The following TMEM225B variants were observed in gnomAD, a reference collection of about 807,000 sequenced individuals.
TMEM225B encodes the protein transmembrane protein 225-like.
TMEM225B carries 10 observed loss-of-function variants against 16.9 expected under a neutral mutation model. The ratio of observed to expected loss-of-function variants is 0.59; its 90% CI spans 0.36 to 1.00. The LOEUF (loss-of-function observed/expected upper bound fraction) is 1.00, where lower values mean the gene tolerates loss of function less well. Ranked by LOEUF, TMEM225B falls within the 50% of genes least tolerant of loss-of-function variation. The pLI is 0.01. For synonymous variants in TMEM225B, 92 were observed against 109.8 expected, an observed-to-expected ratio of 0.84 and a Z score of 1.01; for missense variants, 217 against 267.0, an observed-to-expected ratio of 0.81 and a Z score of 1.30.
chr7:99,599,107 C>A (rs1464609054), intron 1 of TMEM225B, among the ~76,000 whole-genome samples: 2 of 151,838 alleles, frequency 1.3e-5, no homozygotes, highest in Non-Finnish European at 2.9e-5. Context: ...CTACAGGCGC[C>A]CCCACCACGC....
chr7:99,610,974 C>T lies in TMEM225B; in HGVS notation c.*409C>T, dbSNP rs1049806255. The stretch of plus-strand genomic sequence containing the variant: ...ATGACAACTATTTGGGCTGGTGGCA[C>T]AGGGGTAAAAGAATTTACCAAGACG... On this transcript the variant is annotated 3_prime_UTR_variant, in exon 6 of 6. Transcript: ENST00000431679. Among the ~76,000 whole-genome samples the T allele has an allele frequency of 8.0e-4, 122 of 152,160 alleles. No homozygotes were observed. Among genetic ancestry groups the T allele is most frequent in the African/African-American group, 2.7e-3 (113 of 41,502 alleles).
intron 1 of TMEM225B, among the ~76,000 whole-genome samples, chr7:99,598,753 C>T (rs367819496): frequency 6.6e-6 from 1 of 152,134 alleles, no homozygotes; most frequent in Non-Finnish European, 1.5e-5. Context: ...ACCAGGATGC[C>T]CTTCAGGTCG....
intron 2 of TMEM225B, 96 bp from the exon 3 acceptor site, chr7:99,604,290 G>A: frequency 1.3e-6 from 1 of 767,572 alleles, no homozygotes; most frequent in South Asian, 1.6e-5. Flanking sequence ...GCCACACACA[G>A]CACTGACATT....
rs1342149970 is a variant in TMEM225B at position 99,607,821 on chromosome 7, AG to A, written c.493+14del. The stretch of plus-strand genomic sequence containing the variant: ...TGTTCATAGTGGCTGGTGAGTGTCC[AG>A]GGAACAGTGCCCTGCTTCTTGTCCT... On this transcript the variant is annotated intron_variant, in intron 5 of 5. Coordinates refer to ENST00000431679, the MANE Select transcript of TMEM225B (RefSeq NM_001195541.3). 2 of 1,535,362 alleles carry A rather than the reference AG, an allele frequency of 1.3e-6. No homozygotes were observed. Among genetic ancestry groups the A allele is most frequent in the Non-Finnish European group, 8.7e-7 (1 of 1,146,540 alleles).
chr7:99,602,354 C>A (rs897570247), intron 2 of TMEM225B, among the ~76,000 whole-genome samples: 3 of 152,202 alleles, frequency 2.0e-5, no homozygotes, highest in East Asian at 3.9e-4. Flanking sequence ...TGGCCTCCAG[C>A]CCCTTCTCCC....
intron 4 of TMEM225B, 133 bp downstream of exon 4, chr7:99,607,027 AC>A: frequency 1.0e-6 from 1 of 998,424 alleles, no homozygotes; most frequent in Non-Finnish European, 1.4e-6. Context: ...TCACTCTGTT[AC>A]CCAGGCTGGA....
rs913614666 is a variant in TMEM225B at position 99,610,525 on chromosome 7, T to C, written c.626T>C (p.Val209Ala). The change falls in exon 6 of 6, where the codon GTA becomes GCA. Residue 209 changes from valine to alanine, a missense_variant. Physicochemically the swap from Val to Ala is moderately conservative, Grantham distance 64. Transcript: ENST00000431679. ...AGTTTGGGAGGAGAACCGAGCTCAG[T>C]ACAAAAGGAGACACAGGTGACAGCA... ...LESLGGEPSS[V>A]QKETQVTAET... 1.3e-6 allele frequency: 2 copies of C among 1,536,036 alleles called. No homozygotes were observed. The highest frequency in any genetic ancestry group is 1.7e-6 in the Non-Finnish European group (2 of 1,146,886).
intron 5 of TMEM225B, among the ~76,000 whole-genome samples, chr7:99,608,488 A>G (rs1806007958): frequency 6.7e-6 from 1 of 149,156 alleles, no homozygotes; most frequent in Non-Finnish European, 1.5e-5. Flanking sequence ...ACTCTTTCAA[A>G]TTTTTATAGT....
chr7:99,606,779 C>G lies in TMEM225B; in HGVS notation c.240C>G (p.Leu80=), dbSNP rs143657846. ...TCATCCTCGGCCGGGTTTTCCTGCT[C>G]TCTGCAGTTTTCTTGGCTTTCGTCA... is the stretch of plus-strand genomic sequence containing the variant. ...IYIILGRVFL[L]SAVFLAFVTT... is the part of the protein sequence containing the mutation. Residue 80 remains leucine (L), a synonymous_variant, in exon 4 of 6, where the codon CTC becomes CTG. Coordinates refer to ENST00000431679, the MANE Select transcript of TMEM225B (RefSeq NM_001195541.3). 225 of 1,536,090 alleles carry G rather than the reference C, an allele frequency of 1.5e-4. No homozygotes were observed. The highest frequency in any genetic ancestry group is 1.8e-4 in the Non-Finnish European group (206 of 1,146,882).
At chr7:99,608,779 A>C (rs1470121648) in intron 5 of TMEM225B, among the ~76,000 whole-genome samples, 2 of 149,484 alleles carry the variant, frequency 1.3e-5, no homozygotes, top group Admixed American at 1.3e-4. Flanking sequence ...TTATATATGC[A>C]CATATATATG....
At chr7:99,609,908 T>A (rs1353069763) in intron 5 of TMEM225B, among the ~76,000 whole-genome samples, 2 of 151,716 alleles carry the variant, frequency 1.3e-5, no homozygotes, top group East Asian at 3.9e-4. Context: ...CTAATTTTAA[T>A]TTTTTTTTGG....
At chr7:99,603,770 GT>G (rs1428463408) in intron 2 of TMEM225B, among the ~76,000 whole-genome samples, 6 of 119,836 alleles carry the variant, frequency 5.0e-5, no homozygotes, top group African/African-American at 1.6e-4. Context: ...TTTTTTTTTT[GT>G]TTTTTTTTGA....
At chr7:99,600,036 T>G (rs1805219469) in intron 1 of TMEM225B, among the ~76,000 whole-genome samples, 169 bp from the exon 2 acceptor site, 2 of 152,170 alleles carry the variant, frequency 1.3e-5, no homozygotes, top group African/African-American at 4.8e-5. Context: ...CCTGGACTGG[T>G]GCCCAGGGAA....
At chr7:99,603,693 TAAA>T (rs770224583) in intron 2 of TMEM225B, among the ~76,000 whole-genome samples, 1 of 138,102 alleles carries the variant, frequency 7.2e-6, no homozygotes, top group African/African-American at 2.6e-5. Flanking sequence ...GACTCCATCT[TAAA>T]AAAAAAAAAA....
chr7:99,602,853 A>G (rs548714249), intron 2 of TMEM225B, among the ~76,000 whole-genome samples: 2 of 152,240 alleles, frequency 1.3e-5, no homozygotes, highest in East Asian at 1.9e-4. Flanking sequence ...GCTGGGAACT[A>G]CAGACAGGCA....
chr7:99,606,949 G>A, intron 4 of TMEM225B, 55 bp downstream of exon 4: 1 of 1,522,612 alleles, frequency 6.6e-7, no homozygotes, highest in South Asian at 1.2e-5. Flanking sequence ...GAGGAGTCCA[G>A]AGAAAGAGGG....
At chr7:99,607,022 CT>C in intron 4 of TMEM225B, 128 bp downstream of exon 4, 1 of 1,037,216 alleles carries the variant, frequency 9.6e-7, no homozygotes. Context: ...GGGTCTCACT[CT>C]GTTACCCAGG....
intron 1 of TMEM225B, among the ~76,000 whole-genome samples, chr7:99,599,090 G>T (rs868610601): frequency 5.3e-5 from 8 of 151,200 alleles, no homozygotes; most frequent in African/African-American, 1.2e-4. Flanking sequence ...CTCCTGAGTA[G>T]CTGGGACTAC....
intron 2 of TMEM225B, among the ~76,000 whole-genome samples, chr7:99,603,094 G>A (rs982806930): frequency 6.6e-6 from 1 of 151,974 alleles, no homozygotes; most frequent in African/African-American, 2.4e-5. Flanking sequence ...CACGTGATAG[G>A]GATCCTTCAC....
Sources: allele counts gnomAD v4.1 joint callset (sites outside exome capture counted in the v4.1 genomes callset), GRCh38; gene constraint gnomAD v4.1.1; transcripts MANE v1.5; gene names NCBI Gene and HGNC (gene_info 2026-07-23, HGNC 2026-07-21).